Variants in IDUA observed in about 807,000 individuals in gnomAD.
The protein encoded by IDUA is iduronidase alpha-L-.
A neutral mutation model predicts 68.9 loss-of-function variants in IDUA; 65 were observed. The observed-to-expected ratio is 0.94, with a 90% CI of 0.77 to 1.16. The LOEUF is 1.16. Ranked by LOEUF, IDUA falls within the 50% of genes most tolerant of loss-of-function variation. The probability of loss-of-function intolerance (pLI) is 0.00; values close to 1 mark genes in which losing one functional copy is unlikely to be tolerated. For missense variants in IDUA, 1,046 were observed against 938.0 expected (o/e 1.12, Z -1.50); for synonymous variants, 529 against 433.6 (o/e 1.22, Z -2.73).
chr4:991,750 A>G (rs1465880610), intron 2 of IDUA: 2 of 1,531,370 alleles, frequency 1.3e-6, no homozygotes, highest in Non-Finnish European at 1.7e-6. Context: ...AGAAGAGGGC[A>G]TGGTCACAGG....
At chr4:994,050 CAGTGCCTGCCTCATA>C (rs1714576234) in intron 2 of IDUA, among the ~76,000 whole-genome samples, 1 of 152,234 alleles carries the variant, frequency 6.6e-6, no homozygotes, top group Non-Finnish European at 1.5e-5. Context: ...CCAGGACCGG[CAGTGCCTGCCTCATA>C]GGGCTGGGGT....
intron 2 of IDUA, chr4:988,983 A>AGGCGGGCTGCAGCAGGCTAGC (rs1310853262): frequency 8.8e-6 from 14 of 1,594,718 alleles, no homozygotes; most frequent in Non-Finnish European, 9.4e-6. Flanking sequence ...TGTCTCTCAC[A>AGGCGGGCTGCAGCAGGCTAGC]GGCGGGCTGC....
At chr4:1,001,108 C>T (rs999044749) in intron 4 of IDUA, 119 bp downstream of exon 4, 6 of 749,910 alleles carry the variant, frequency 8.0e-6, no homozygotes, top group Non-Finnish European at 1.4e-5. Context: ...GGCGCAGGCC[C>T]TTGTGGGGGG....
Position 1,003,437 on chromosome 4 carries a change from C to A in IDUA, c.1617C>A (p.His539Gln). The change falls in exon 11 of 14, where the codon CAC (histidine) becomes CAA (glutamine). Residue 539 changes from histidine to glutamine, a missense_variant. Transcript: ENST00000514224. ...GGCTGCCGTCGCTTTTGCTGGTGCA[C>A]GTGTGTGCGCGCCCCGAGAAGCCGC... ...ALRLPSLLLV[H>Q]VCARPEKPPG... 6.5e-7 allele frequency: 1 copy of A among 1,540,652 alleles called. No individual in the cohort carries two copies. Among genetic ancestry groups the A allele is most frequent in the Non-Finnish European group, 8.7e-7 (1 of 1,149,662 alleles).
chr4:1,004,188 G>C lies in IDUA; in HGVS notation c.1829-72G>C. 6.2e-7 allele frequency: 1 copy of C among 1,611,126 alleles called. No homozygotes were observed. Among genetic ancestry groups the C allele is most frequent in the Non-Finnish European group, 8.5e-7 (1 of 1,179,470 alleles). On this transcript the variant is annotated intron_variant, in intron 13 of 13. Transcript: ENST00000514224. This position sits in a 1 kb window ranked among gnomAD's most constrained non-coding sequence, Gnocchi z 5.0. ...CAGGGCAGTACTGGGTGGGGGCCTC[G>C]AGAAGCCTGGGGTCAGGGGGCTTTC... is the stretch of plus-strand genomic sequence containing the variant.
At position 1,003,418 on chromosome 4, in the gene IDUA, C is replaced by G. The variant is rs121965021; in HGVS notation, c.1598C>G (p.Pro533Arg). ...RLTLRPALRL[P>R]SLLLVHVCAR... is the part of the protein sequence containing the mutation. ...ACCCTGCGCCCCGCGCTGCGGCTGC[C>G]GTCGCTTTTGCTGGTGCACGTGTGT... Residue 533 changes from proline (P) to arginine (R), a missense_variant, in exon 11 of 14, where the codon CCG becomes CGG. Coordinates refer to ENST00000514224, the MANE Select transcript of IDUA (RefSeq NM_000203.5). The G allele has an allele frequency of 2.9e-5, 45 of 1,529,076 alleles. No homozygotes were observed. Among genetic ancestry groups the G allele is most frequent in the Admixed American group, 2.0e-4 (10 of 50,624 alleles). The allele number at this position is 1,529,076 out of a possible 1,614,324, so 94.7% of individuals were successfully genotyped here.
intron 2 of IDUA, chr4:988,757 G>T: frequency 6.9e-7 from 1 of 1,450,026 alleles, no homozygotes. Context: ...CCTGGGAAGG[G>T]TCTCAGCAGT....
intron 2 of IDUA, chr4:989,946 C>G: frequency 6.4e-7 from 1 of 1,556,184 alleles, no homozygotes; most frequent in Non-Finnish European, 8.7e-7. Context: ...GCTCTGGGAC[C>G]TGAGGGGGCA....
chr4:992,358 G>C, intron 2 of IDUA: 5 of 370,222 alleles, frequency 1.4e-5, no homozygotes, highest in Non-Finnish European at 2.8e-5. Context: ...TGGGTCCTGG[G>C]GCTGGCGGAA....
At chr4:999,426 C>G (rs925380971) in intron 2 of IDUA, among the ~76,000 whole-genome samples, 16 of 152,180 alleles carry the variant, frequency 1.1e-4, no homozygotes, top group Non-Finnish European at 2.4e-4. Context: ...TGTTCCAGAG[C>G]CTTTGCACTG....
Position 989,191 on chromosome 4 carries a change from C to G in IDUA, c.299+1242C>G, listed in dbSNP as rs376515646. 5.0e-6 allele frequency: 8 copies of G among 1,607,402 alleles called. No individual in the cohort carries two copies. The African/African-American group carries it at 1.1e-4, about 21-fold the overall frequency. On this transcript the variant is annotated intron_variant, in intron 2 of 13. Coordinates refer to ENST00000514224, the MANE Select transcript of IDUA (RefSeq NM_000203.5). ...CTCGCCCTGGGCAGGGCCTCCCTCACCGACCCCCGTCTCTGAGCCCCCCTC... is the reference window on the plus strand; with the variant it reads ...CTCGCCCTGGGCAGGGCCTCCCTCAGCGACCCCCGTCTCTGAGCCCCCCTC...
chr4:991,036 C>T (rs1560537410), intron 2 of IDUA: 21 of 1,304,346 alleles, frequency 1.6e-5, no homozygotes, highest in Non-Finnish European at 1.1e-5. Context: ...TCTGCCAACC[C>T]TGTGCTTGCC....
At position 1,001,756 on chromosome 4, in the gene IDUA, G is replaced by A. The variant is rs183347428; in HGVS notation, c.667G>A (p.Asp223Asn). 3.3e-4 allele frequency: 529 copies of A among 1,598,148 alleles called. 3 individuals are homozygous for A. The African/African-American group carries it at 6.4e-3, about 19-fold the overall frequency. ...SPALRLGGPG[D>N]SFHTPPRSPL... ...CGCCCTGCGGCTGGGAGGCCCCGGC[G>A]ACTCCTTCCACACCCCACCGCGATC... The change falls in exon 6 of 14, where the codon GAC (aspartate) becomes AAC (asparagine). Residue 223 changes from aspartate (D) to asparagine (N), a missense_variant. Asp to Asn is a conservative substitution (Grantham distance 23). Transcript: ENST00000514224.
In IDUA at chr4:987,131, C is replaced by T. The variant is rs567921262; in HGVS notation, c.47C>T (p.Ser16Leu). The change falls in exon 1 of 14, where the codon TCG (serine) becomes TTG (leucine). Residue 16 changes from serine to leucine, a missense_variant. By Grantham distance (145) the Ser-to-Leu change is moderately radical (BLOSUM62 -2). Transcript: ENST00000514224. ...PRAALLALLA[S>L]LLAAPPVAPA... ...GCCGCGCTGCTGGCGCTCCTGGCCT[C>T]GCTCCTGGCCGCGCCCCCGGTGGCC... is the stretch of plus-strand genomic sequence containing the variant. 3 of 1,411,552 alleles carry T rather than the reference C, an allele frequency of 2.1e-6. No individual in the cohort carries two copies. The highest frequency in any genetic ancestry group is 1.5e-5 in the African/African-American group (1 of 66,270). The allele number at this position is 1,411,552 out of a possible 1,614,324, so 87.4% of individuals were successfully genotyped here.
intron 2 of IDUA, chr4:991,469 T>C (rs751582117): frequency 7.4e-6 from 12 of 1,612,484 alleles, no homozygotes; most frequent in Non-Finnish European, 1.0e-5. Context: ...ATGATGCCGA[T>C]GACCAGCCCA....
intron 2 of IDUA, chr4:989,437 A>G: frequency 6.4e-7 from 1 of 1,554,382 alleles, no homozygotes; most frequent in Non-Finnish European, 8.7e-7. Context: ...GCGGCCGGCC[A>G]GGCTGAGCAG....
At chr4:1,000,495 C>T (rs1286387752) in intron 2 of IDUA, 117 bp from the exon 3 acceptor site, 7 of 810,956 alleles carry the variant, frequency 8.6e-6, no homozygotes, top group South Asian at 2.8e-5. Context: ...AAGCCGGGAT[C>T]GGAGTCCTGT....
rs1435786055 is a variant in IDUA at position 989,140 on chromosome 4, G to A, written c.299+1191G>A. 1.4e-5 allele frequency: 23 copies of A among 1,607,934 alleles called. No homozygotes were observed. Among genetic ancestry groups the A allele is most frequent in the South Asian group, 2.2e-5 (2 of 90,570 alleles). Reference sequence around the variant, plus strand: ...GCCGGCCGCTGCGGGCACCAGCGCAGCCCTGGTGCTAACCGGGCCCAGGTC... The same window carrying A: ...GCCGGCCGCTGCGGGCACCAGCGCAACCCTGGTGCTAACCGGGCCCAGGTC... On this transcript the variant is annotated intron_variant, in intron 2 of 13. Transcript: ENST00000514224.
intron 3 of IDUA, 70 bp from the exon 4 acceptor site, chr4:1,000,812 C>G: frequency 4.0e-6 from 6 of 1,512,190 alleles, no homozygotes; most frequent in Non-Finnish European, 5.5e-6. Context: ...GCCTTGGTGC[C>G]GGAGCACAGG....
Sources: allele counts gnomAD v4.1 joint callset (sites outside exome capture counted in the v4.1 genomes callset), GRCh38; gene constraint gnomAD v4.1.1; non-coding constraint Gnocchi (gnomAD v3.1); transcripts MANE v1.5; gene names NCBI Gene and HGNC (gene_info 2026-07-23, HGNC 2026-07-21).